The following GRID1 variants were observed in gnomAD, a reference collection of about 807,000 sequenced individuals.
GRID1 encodes the protein glutamate receptor ionotropic, delta-1.
In GRID1, 28 loss-of-function variants were observed where a neutral mutation model predicts 98.0. The observed-to-expected ratio is 0.29, with a 90% CI of 0.21 to 0.39. The LOEUF (loss-of-function observed/expected upper bound fraction) is 0.39, where lower values mean the gene tolerates loss of function less well. Among genes scored for constraint, GRID1 ranks in the 10% least tolerant of loss-of-function variants. The pLI is 1.00. For synonymous variants in GRID1, 553 were observed against 538.5 expected, an observed-to-expected ratio of 1.03 and a Z score of -0.37; for missense variants, 1,111 against 1,340.5, an observed-to-expected ratio of 0.83 and a Z score of 2.67.
At chr10:86,139,902 A>G (rs201554418) in intron 3 of GRID1, among the ~76,000 whole-genome samples, 8,380 of 152,298 alleles carry the variant, frequency 0.055, 296 homozygotes, top group East Asian at 0.13. Context: ...TTTTTCATCC[A>G]GTGCCAAAAT....
chr10:85,874,103 T>C (rs549911073), intron 5 of GRID1, among the ~76,000 whole-genome samples: 25 of 152,346 alleles, frequency 1.6e-4, no homozygotes, highest in African/African-American at 5.8e-4. Flanking sequence ...TGCATGTGTC[T>C]TGGTGTGCTT....
chr10:85,627,138 T>C (rs1409355686), intron 13 of GRID1, among the ~76,000 whole-genome samples: 1 of 152,140 alleles, frequency 6.6e-6, no homozygotes, highest in Non-Finnish European at 1.5e-5. Context: ...CATTGATTGT[T>C]AAGGGAAATT....
chr10:85,740,534 G>T (rs1025668359), intron 8 of GRID1, among the ~76,000 whole-genome samples: 2 of 152,016 alleles, frequency 1.3e-5, no homozygotes, highest in African/African-American at 4.8e-5. Flanking sequence ...CTCTGGACTG[G>T]CTCCTCTCTC....
chr10:85,650,773 A>G (rs989095080), intron 12 of GRID1, among the ~76,000 whole-genome samples: 5 of 152,202 alleles, frequency 3.3e-5, no homozygotes, highest in African/African-American at 1.2e-4. Context: ...TTCCTGGAAG[A>G]GAAGATATTA....
At chr10:86,136,339 C>T (rs1172635380) in intron 4 of GRID1, among the ~76,000 whole-genome samples, 1 of 152,190 alleles carries the variant, frequency 6.6e-6, no homozygotes, top group East Asian at 1.9e-4. Context: ...CAAACCCTGG[C>T]CAGAGACAGT....
intron 12 of GRID1, among the ~76,000 whole-genome samples, chr10:85,665,823 G>C (rs941784212): frequency 2.6e-5 from 4 of 152,070 alleles, no homozygotes; most frequent in African/African-American, 9.7e-5. Flanking sequence ...GTGACACCAA[G>C]GACAGGAAAA....
chr10:86,326,716 C>T (rs1017159520), intron 2 of GRID1, among the ~76,000 whole-genome samples: 7 of 152,276 alleles, frequency 4.6e-5, no homozygotes, highest in East Asian at 1.9e-4. Context: ...CACATAATGT[C>T]GGAGGTGTGG....
intron 14 of GRID1, among the ~76,000 whole-genome samples, chr10:85,615,836 C>G (rs1292912798): frequency 6.6e-6 from 1 of 152,188 alleles, no homozygotes; most frequent in African/African-American, 2.4e-5. Context: ...TTGCAGGAAC[C>G]TCAGGGACAG....
intron 4 of GRID1, among the ~76,000 whole-genome samples, chr10:86,102,290 C>T (rs1231655831): frequency 1.3e-5 from 2 of 152,242 alleles, no homozygotes; most frequent in African/African-American, 4.8e-5. Flanking sequence ...ATGGCTTAGA[C>T]CAGGGACATA....
intron 2 of GRID1, among the ~76,000 whole-genome samples, chr10:86,334,014 C>G (rs1324362309): frequency 6.6e-6 from 1 of 152,092 alleles, no homozygotes; most frequent in African/African-American, 2.4e-5. Context: ...CCTCCCTTCT[C>G]TCCTCTTCCC....
chr10:85,743,023 C>T (rs931267894), intron 8 of GRID1, among the ~76,000 whole-genome samples: 10 of 151,370 alleles, frequency 6.6e-5, no homozygotes, highest in African/African-American at 9.7e-5. Context: ...GCCTCTCCCC[C>T]GACTCCCCGG....
At chr10:85,867,766 C>A (rs1417645357) in intron 6 of GRID1, among the ~76,000 whole-genome samples, 1 of 152,240 alleles carries the variant, frequency 6.6e-6, no homozygotes, top group Non-Finnish European at 1.5e-5. Flanking sequence ...CCCAGACACT[C>A]TGGTGGGCTC....
chr10:86,363,444 C>T (rs1317269025), intron 2 of GRID1, among the ~76,000 whole-genome samples: 1 of 152,250 alleles, frequency 6.6e-6, no homozygotes, highest in Non-Finnish European at 1.5e-5. Flanking sequence ...CCGCGGGGCG[C>T]GAAACGCCGC....
chr10:85,842,528 TAAAGA>T (rs1438373001), intron 8 of GRID1, among the ~76,000 whole-genome samples: 2 of 151,640 alleles, frequency 1.3e-5, no homozygotes, highest in East Asian at 1.9e-4. Context: ...AAAATAATAA[TAAAGA>T]AAAGACAAAT....
Position 86,365,306 on chromosome 10 carries a change from T to C in GRID1, c.79+1008A>G, listed in dbSNP as rs1440956901. 2.4e-5 allele frequency among the ~76,000 whole-genome samples: 3 copies of C among 124,870 alleles called. No homozygotes were observed. Among genetic ancestry groups the C allele is most frequent in the African/African-American group, 9.5e-5 (3 of 31,604 alleles). The allele number at this position is 124,870 out of a possible 152,430, so 81.9% of individuals were successfully genotyped here. On this transcript the variant is annotated intron_variant, in intron 1 of 15. Transcript: ENST00000327946. The surrounding 1 kb of genome is among the most constrained non-coding windows in gnomAD (Gnocchi z 4.8). ...AACACCTCCCAACCCCCAGTTTCCCTGTGCTCGCTGGTCTTTCCCAACTTC... is the reference window on the plus strand; with the variant it reads ...AACACCTCCCAACCCCCAGTTTCCCCGTGCTCGCTGGTCTTTCCCAACTTC...
intron 4 of GRID1, among the ~76,000 whole-genome samples, chr10:85,992,772 A>T (rs1842697215): frequency 6.6e-6 from 1 of 152,124 alleles, no homozygotes; most frequent in Admixed American, 6.5e-5. Context: ...TAACATAGTG[A>T]GACCCTGTCT....
intron 8 of GRID1, among the ~76,000 whole-genome samples, chr10:85,809,088 A>G (rs1842646641): frequency 6.6e-6 from 1 of 152,158 alleles, no homozygotes; most frequent in Admixed American, 6.5e-5. Context: ...AAAATAAAAT[A>G]TAAAATCGAA....
intron 15 of GRID1, among the ~76,000 whole-genome samples, chr10:85,608,117 A>G (rs904056448): frequency 6.6e-6 from 1 of 151,802 alleles, no homozygotes; most frequent in Non-Finnish European, 1.5e-5. Context: ...CACCCAGCCC[A>G]AAACCTGGGC....
At chr10:85,813,160 C>T (rs900946594) in intron 8 of GRID1, among the ~76,000 whole-genome samples, 25 of 151,130 alleles carry the variant, frequency 1.7e-4, no homozygotes, top group Admixed American at 3.3e-4. Flanking sequence ...CATTTTCATG[C>T]AAAAATATTT....
Sources: allele counts gnomAD v4.1 joint callset (sites outside exome capture counted in the v4.1 genomes callset), GRCh38; gene constraint gnomAD v4.1.1; non-coding constraint Gnocchi (gnomAD v3.1); transcripts MANE v1.5; gene names NCBI Gene and HGNC (gene_info 2026-07-23, HGNC 2026-07-21).